Variants in KDM2B observed in about 807,000 individuals in gnomAD.
KDM2B encodes lysine demethylase 2B.
Under a neutral mutation model 150.0 loss-of-function variants are expected in KDM2B, and 26 were observed. The ratio of observed to expected loss-of-function variants is 0.17; its 90% CI spans 0.13 to 0.24. The LOEUF is 0.24. Ranked by LOEUF, KDM2B falls within the 10% of genes least tolerant of loss-of-function variation. The pLI is 1.00. For missense variants in KDM2B, 1,265 were observed against 1,816.9 expected (o/e 0.70, Z 5.52); for synonymous variants, 734 against 729.5 (o/e 1.01, Z -0.10).
chr12:121,466,155 A>G (rs1052008637), intron 12 of KDM2B, among the ~76,000 whole-genome samples: 1 of 151,824 alleles, frequency 6.6e-6, no homozygotes, highest in Non-Finnish European at 1.5e-5. Flanking sequence ...AAAAGTTACC[A>G]CATTTTGGCT....
intron 12 of KDM2B, among the ~76,000 whole-genome samples, chr12:121,488,862 T>C (rs1484112650): frequency 6.6e-6 from 1 of 152,124 alleles, no homozygotes; most frequent in Non-Finnish European, 1.5e-5. Context: ...TGGAGTGCAA[T>C]GGCGCGATCT....
At chr12:121,423,379 C>G in the KDM2B span, 1 of 1,597,654 alleles carries the variant, frequency 6.3e-7, no homozygotes, top group Non-Finnish European at 8.5e-7. This position sits in a 1 kb window ranked among gnomAD's most constrained non-coding sequence, Gnocchi z 4.3. Flanking sequence ...TCTCTGTTGC[C>G]TTTCAGATGG....
Position 121,439,839 on chromosome 12 carries a change from T to C in KDM2B, c.3829+18A>G. The stretch of plus-strand genomic sequence containing the variant: ...CCCACGGAGTGTTAGGCAGACCCGA[T>C]GGGGGCCCCTGACTCACCAGACAGG... On this transcript the variant is annotated intron_variant, in intron 22 of 22. Coordinates refer to ENST00000377071, the MANE Select transcript of KDM2B (RefSeq NM_032590.5). 6.2e-7 allele frequency: 1 copy of C among 1,606,510 alleles called. No individual in the cohort carries two copies. The highest frequency in any genetic ancestry group is 8.5e-7 in the Non-Finnish European group (1 of 1,173,302).
chr12:121,552,598 A>C (rs1889584450), intron 4 of KDM2B, among the ~76,000 whole-genome samples: 1 of 150,156 alleles, frequency 6.7e-6, no homozygotes, highest in Non-Finnish European at 1.5e-5. Flanking sequence ...GCTTGAACCC[A>C]GGAGGTGGAG....
rs782205731 is a variant in KDM2B at position 121,521,004 on chromosome 12, T to C, written c.1028A>G (p.Glu343Gly). ...CCTTACCCGCGTCCTGTCCTCGATC[T>C]CGTAGATCCGCAGCTGCATGGGCAC... ...FNVPMQLRIY[E>G]IEDRTRVQPK... The change falls in exon 9 of 23, where the codon GAG becomes GGG. Residue 343 changes from glutamate (E) to glycine (G), a missense_variant. Transcript: ENST00000377071. The surrounding 1 kb of genome is among the most constrained non-coding windows in gnomAD (Gnocchi z 4.9). The C allele has an allele frequency of 6.2e-7, 1 of 1,613,878 alleles. No individual in the cohort carries two copies. The highest frequency in any genetic ancestry group is 8.5e-7 in the Non-Finnish European group (1 of 1,179,920).
intron 22 of KDM2B, among the ~76,000 whole-genome samples, chr12:121,435,039 A>AG (rs1566250845): frequency 6.7e-6 from 1 of 149,030 alleles, no homozygotes; most frequent in African/African-American, 2.5e-5. Flanking sequence ...AACAAAGGGA[A>AG]AAAAAAAAAA....
chr12:121,532,093 C>G (rs1158829874), intron 8 of KDM2B, among the ~76,000 whole-genome samples: 1 of 151,796 alleles, frequency 6.6e-6, no homozygotes, highest in East Asian at 1.9e-4. Context: ...TGCACCCTAG[C>G]CTGGGTGACA....
At chr12:121,418,429 A>C in the KDM2B span, 157 of 154,258 alleles carry the variant, frequency 1.0e-3, no homozygotes, top group South Asian at 0.024. Context: ...GTCCTTGGAC[A>C]TCCTGATTGA....
the KDM2B span, chr12:121,423,535 C>A: frequency 1.2e-6 from 2 of 1,614,120 alleles, no homozygotes; most frequent in South Asian, 2.2e-5. The surrounding 1 kb of genome is among the most constrained non-coding windows in gnomAD (Gnocchi z 4.3). Context: ...TCCCATCTGC[C>A]GGCAGTATGT....
chr12:121,435,334 G>T (rs998573592), intron 22 of KDM2B, among the ~76,000 whole-genome samples: 4 of 152,268 alleles, frequency 2.6e-5, no homozygotes, highest in Admixed American at 6.5e-5. Flanking sequence ...GGAAGCTGGA[G>T]AAGAGGTAAC....
intron 12 of KDM2B, among the ~76,000 whole-genome samples, chr12:121,490,911 C>T (rs998356227): frequency 2.0e-5 from 3 of 152,130 alleles, no homozygotes; most frequent in Non-Finnish European, 4.4e-5. Context: ...GGTAACCCGA[C>T]CCAGATCAAA....
intron 11 of KDM2B, among the ~76,000 whole-genome samples, chr12:121,500,413 G>A (rs1050490711): frequency 2.0e-5 from 3 of 152,220 alleles, no homozygotes; most frequent in African/African-American, 2.4e-5. Context: ...TGGACCTGAC[G>A]AGATAACCAC....
At chr12:121,497,783 G>A (rs892503220) in intron 11 of KDM2B, among the ~76,000 whole-genome samples, 3 of 151,400 alleles carry the variant, frequency 2.0e-5, no homozygotes, top group African/African-American at 4.9e-5. Flanking sequence ...TGGGATCCTA[G>A]AACAGAAAAA....
At chr12:121,482,682 A>T (rs1555298145) in intron 12 of KDM2B, among the ~76,000 whole-genome samples, 9 of 152,222 alleles carry the variant, frequency 5.9e-5, no homozygotes. Context: ...CAAGTGAGTC[A>T]CAAACAGGAC....
At position 121,442,724 on chromosome 12, in the gene KDM2B, TC is replaced by T; in HGVS notation, c.2716del (p.Glu906ArgfsTer28). ...GGAGCTGGAGCGGGAGTGGTCGCTC[TC>T]CCTGGTCTTGGGGGGCGCCTCGGGC... ...ELPEAPPKTR[E>X]SDHSRSSSPT... On this transcript the variant is annotated frameshift_variant, in exon 19 of 23. Transcript: ENST00000377071. LOFTEE classifies it high-confidence loss of function. The surrounding 1 kb of genome is among the most constrained non-coding windows in gnomAD (Gnocchi z 7.7). The T allele has an allele frequency of 6.4e-7, 1 of 1,566,548 alleles. No individual in the cohort carries two copies. The highest frequency in any genetic ancestry group is 8.6e-7 in the Non-Finnish European group (1 of 1,159,614).
chr12:121,439,525 G>A (rs1304238188), intron 22 of KDM2B, among the ~76,000 whole-genome samples: 3 of 151,854 alleles, frequency 2.0e-5, no homozygotes, highest in African/African-American at 4.8e-5. Context: ...GATTACAGGC[G>A]CCGGCCACCA....
chr12:121,501,666 G>T (rs939239118), intron 11 of KDM2B, among the ~76,000 whole-genome samples: 1 of 152,110 alleles, frequency 6.6e-6, no homozygotes, highest in Non-Finnish European at 1.5e-5. Flanking sequence ...TGTCGCCCAG[G>T]CTGGAGTGCA....
At chr12:121,544,114 CAAAAAAAA>C (rs57873693) in intron 6 of KDM2B, among the ~76,000 whole-genome samples, 1 of 42,928 alleles carries the variant, frequency 2.3e-5, no homozygotes, top group South Asian at 8.1e-4. Flanking sequence ...GACCCTGCCT[CAAAAAAAA>C]AAAAAAAAAA....
intron 13 of KDM2B, among the ~76,000 whole-genome samples, chr12:121,447,399 G>A (rs797042334): frequency 2.8e-4 from 42 of 151,722 alleles, no homozygotes; most frequent in African/African-American, 6.3e-4. Context: ...CCGCCACCAC[G>A]CCCAGCTAAT....
Sources: gnomAD v4.1 joint callset for allele counts (sites outside exome capture counted in the v4.1 genomes callset) on GRCh38, gnomAD v4.1.1 for gene constraint, Gnocchi (gnomAD v3.1) non-coding constraint, MANE v1.5 for transcripts, NCBI Gene and HGNC (gene_info 2026-07-23, HGNC 2026-07-21) for gene names.